FILIP1: variants seen among roughly 807,000 people sequenced by gnomAD.
FILIP1 encodes the protein filamin A interacting protein 1.
Under a neutral mutation model 102.1 loss-of-function variants are expected in FILIP1, and 61 were observed. The observed-to-expected ratio is 0.60, with a 90% CI of 0.49 to 0.74. The LOEUF (loss-of-function observed/expected upper bound fraction) is 0.74, where lower values mean the gene tolerates loss of function less well. FILIP1 is among the 30% of genes least tolerant of loss of function. FILIP1 has a pLI of 0.00. For missense variants in FILIP1, 1,314 were observed against 1,441.2 expected, an observed-to-expected ratio of 0.91 and a Z score of 1.43; for synonymous variants, 491 against 526.9, an observed-to-expected ratio of 0.93 and a Z score of 0.93.
At chr6:75,382,900 G>A (rs2149643775) in intron 2 of FILIP1, among the ~76,000 whole-genome samples, 1 of 152,290 alleles carries the variant, frequency 6.6e-6, no homozygotes, top group Middle Eastern at 3.4e-3. Flanking sequence ...CAGTTTATCA[G>A]CCACAAAAGC....
At chr6:75,373,188 G>C (rs1202109869) in intron 2 of FILIP1, among the ~76,000 whole-genome samples, 4 of 152,134 alleles carry the variant, frequency 2.6e-5, no homozygotes, top group Admixed American at 2.6e-4. Flanking sequence ...GTTACAAAAG[G>C]ACAAATGCTG....
intron 1 of FILIP1, among the ~76,000 whole-genome samples, chr6:75,449,998 A>C (rs1316948883): frequency 6.6e-6 from 1 of 152,060 alleles, no homozygotes; most frequent in Non-Finnish European, 1.5e-5. Context: ...CGGTGGTGCA[A>C]TCATGGCTTA....
At chr6:75,447,280 C>G (rs1239857696) in intron 1 of FILIP1, among the ~76,000 whole-genome samples, 6 of 152,100 alleles carry the variant, frequency 3.9e-5, no homozygotes, top group Non-Finnish European at 8.8e-5. Context: ...CTGCAAGAAA[C>G]ACTGGAAATC....
intron 2 of FILIP1, among the ~76,000 whole-genome samples, chr6:75,380,713 TA>T (rs1261058763): frequency 6.6e-6 from 1 of 152,046 alleles, no homozygotes; most frequent in African/African-American, 2.4e-5. Context: ...CTGAGTAAAA[TA>T]CAGTACACCC....
In FILIP1 at chr6:75,439,191, C is replaced by T. The variant is rs111303000; in HGVS notation, c.-6-24213G>A. 4.8e-3 allele frequency among the ~76,000 whole-genome samples: 735 copies of T among 152,152 alleles called. 11 individuals carry two copies. Among genetic ancestry groups the T allele is most frequent in the African/African-American group, 0.017 (698 of 41,498 alleles). On this transcript the variant is annotated intron_variant, in intron 1 of 5. Coordinates refer to ENST00000237172, the MANE Select transcript of FILIP1 (RefSeq NM_015687.5). ...ACCATCCTGGCTAACACGGTGAAAC[C>T]CCATCTCTACTAAAAATACAAAAAA...
intron 6 of FILIP1, among the ~76,000 whole-genome samples, chr6:75,301,161 G>A (rs1283308749): frequency 6.6e-6 from 1 of 152,082 alleles, no homozygotes; most frequent in Admixed American, 6.5e-5. Flanking sequence ...GAAAACTAAG[G>A]TCACTGCGCT....
chr6:75,459,365 A>C (rs992795972), intron 1 of FILIP1, among the ~76,000 whole-genome samples: 1 of 152,202 alleles, frequency 6.6e-6, no homozygotes, highest in Admixed American at 6.5e-5. Flanking sequence ...TGGACTATAG[A>C]GGAGTAATTG....
rs568255750 is a variant in FILIP1, at chr6:75,445,909, A to G, written c.-6-30931T>C. 5.6e-4 allele frequency among the ~76,000 whole-genome samples: 86 copies of G among 152,234 alleles called. 2 individuals carry two copies. The highest frequency in any genetic ancestry group is 7.8e-4 in the Non-Finnish European group (53 of 67,990). ...AACAACAAACTATCCAATCCCACCA[A>G]TATAATAAGATCATTATTTTGCTGA... On this transcript the variant is annotated intron_variant, in intron 1 of 5. Coordinates refer to ENST00000237172, the MANE Select transcript of FILIP1 (RefSeq NM_015687.5).
Position 75,302,227 on chromosome 6 carries a change from T to C in FILIP1, c.3494-6277A>G, listed in dbSNP as rs545855232. ...CTGCTGTTGTGCCTTTGGAGGGAAATAGAAGTAACTTTCACCACCCAAAAA... is the reference window on the plus strand; with the variant it reads ...CTGCTGTTGTGCCTTTGGAGGGAAACAGAAGTAACTTTCACCACCCAAAAA... On this transcript the variant is annotated intron_variant, in intron 6 of 6. Coordinates refer to the FILIP1 transcript ENST00000393004. Among the ~76,000 whole-genome samples the C allele has an allele frequency of 5.3e-5, 8 of 152,198 alleles. No homozygotes were observed. In the East Asian group the frequency reaches 1.4e-3, roughly 26 times the overall value.
intron 1 of FILIP1, chr6:75,458,945 G>A (rs955584417): frequency 1.3e-5 from 2 of 152,160 alleles, no homozygotes; most frequent in African/African-American, 4.8e-5. Context: ...AAAGAAAAAT[G>A]AAGGCATTGA....
intron 1 of FILIP1, among the ~76,000 whole-genome samples, chr6:75,469,917 A>T (rs1288895046): frequency 1.3e-5 from 2 of 152,092 alleles, no homozygotes; most frequent in Non-Finnish European, 2.9e-5. Flanking sequence ...AACTAAGAAC[A>T]AAAAGAAACT....
chr6:75,402,638 A>C (rs894059373), intron 2 of FILIP1, among the ~76,000 whole-genome samples: 1 of 152,154 alleles, frequency 6.6e-6, no homozygotes, highest in Non-Finnish European at 1.5e-5. Context: ...AAAAGTGATA[A>C]ATGGTACCCC....
intron 5 of FILIP1, among the ~76,000 whole-genome samples, chr6:75,311,021 C>G (rs991342216): frequency 3.9e-5 from 6 of 152,100 alleles, no homozygotes; most frequent in Admixed American, 2.6e-4. Flanking sequence ...TCAATTTATG[C>G]TGTAGAACTT....
chr6:75,455,614 C>T (rs571018713), intron 1 of FILIP1, among the ~76,000 whole-genome samples: 1 of 152,196 alleles, frequency 6.6e-6, no homozygotes, highest in Admixed American at 6.5e-5. Context: ...TTTCTCTCAC[C>T]ATTGAGATAA....
intron 1 of FILIP1, among the ~76,000 whole-genome samples, chr6:75,442,599 C>G (rs1337012420): frequency 1.3e-5 from 2 of 152,200 alleles, no homozygotes; most frequent in African/African-American, 2.4e-5. Flanking sequence ...CAAAAAAATA[C>G]GAAAACCAGT....
chr6:75,325,316 G>T (rs529472042), intron 4 of FILIP1, among the ~76,000 whole-genome samples: 20 of 152,260 alleles, frequency 1.3e-4, no homozygotes, highest in Non-Finnish European at 2.8e-4. Context: ...CAGCTACTTG[G>T]GTGGCTGAGG....
chr6:75,450,340 C>T (rs903068834), intron 1 of FILIP1, among the ~76,000 whole-genome samples: 3 of 152,018 alleles, frequency 2.0e-5, no homozygotes, highest in Non-Finnish European at 4.4e-5. Flanking sequence ...AATAAGAATA[C>T]CAATAAATTA....
intron 4 of FILIP1, among the ~76,000 whole-genome samples, chr6:75,317,825 C>T (rs1387034138): frequency 6.6e-6 from 1 of 152,196 alleles, no homozygotes; most frequent in Non-Finnish European, 1.5e-5. Flanking sequence ...TCCCAAAACC[C>T]AGTTTCCCAG....
chr6:75,319,038 ATCG>A (rs751839357), intron 4 of FILIP1: 128 of 695,846 alleles, frequency 1.8e-4, no homozygotes, highest in East Asian at 1.4e-3. Context: ...CTTATTCATC[ATCG>A]TCATCTTCTT....
Sources: allele counts gnomAD v4.1 joint callset (sites outside exome capture counted in the v4.1 genomes callset), GRCh38; gene constraint gnomAD v4.1.1; transcripts MANE v1.5; gene names NCBI Gene and HGNC (gene_info 2026-07-23, HGNC 2026-07-21).